Variants in CFAP210 observed in about 807,000 individuals in gnomAD.
CFAP210 encodes the protein cilia- and flagella- associated protein 210.
At chr2:169,671,335 C>A in the CFAP210 span, among the ~76,000 whole-genome samples, 2 of 152,226 alleles carry the variant, frequency 1.3e-5, no homozygotes, top group Non-Finnish European at 2.9e-5. Flanking sequence ...GAACCAGTTT[C>A]TTCTGCAAAG....
the CFAP210 span, chr2:169,645,568 C>A: frequency 3.3e-6 from 1 of 298,822 alleles, no homozygotes; most frequent in African/African-American, 2.2e-5. Flanking sequence ...AATTCTGGAA[C>A]TACACAATGG....
At chr2:169,649,060 G>T in the CFAP210 span, 1 of 760,446 alleles carries the variant, frequency 1.3e-6, no homozygotes, top group Non-Finnish European at 2.1e-6. Flanking sequence ...ATTTTATTGT[G>T]TCATAACCAT....
chr2:169,667,456 A>T, the CFAP210 span, among the ~76,000 whole-genome samples: 1 of 152,138 alleles, frequency 6.6e-6, no homozygotes, highest in Non-Finnish European at 1.5e-5. Flanking sequence ...TCTTAATGGC[A>T]ACTGGAATGG....
the CFAP210 span, chr2:169,662,169 G>A: frequency 1.4e-5 from 16 of 1,147,052 alleles, no homozygotes; most frequent in South Asian, 2.1e-4. Flanking sequence ...GTATGCATGG[G>A]TCAAAATACC....
At chr2:169,670,788 G>A in the CFAP210 span, among the ~76,000 whole-genome samples, 1 of 152,092 alleles carries the variant, frequency 6.6e-6, no homozygotes, top group Admixed American at 6.5e-5. Context: ...ATTGCCTTTA[G>A]TATCCTAAGC....
chr2:169,670,741 A>G, the CFAP210 span, among the ~76,000 whole-genome samples: 3 of 152,186 alleles, frequency 2.0e-5, no homozygotes, highest in Non-Finnish European at 2.9e-5. Context: ...AGGTTCCCCA[A>G]TGAGCAATCC....
At chr2:169,660,870 T>C in the CFAP210 span, 11 of 330,128 alleles carry the variant, frequency 3.3e-5, no homozygotes, top group Non-Finnish European at 6.5e-5. Flanking sequence ...CCCAAAGTGC[T>C]AGGATTATAG....
At chr2:169,694,290 C>T in the CFAP210 span, 1 of 1,614,076 alleles carries the variant, frequency 6.2e-7, no homozygotes, top group Admixed American at 1.7e-5. Context: ...TCCACAGCGC[C>T]GTCCAAACCG....
chr2:169,648,644 C>T, the CFAP210 span, among the ~76,000 whole-genome samples: 2 of 152,122 alleles, frequency 1.3e-5, no homozygotes, highest in African/African-American at 4.8e-5. Flanking sequence ...CATAAGATAT[C>T]ACTATACTAG....
chr2:169,648,415 T>C, the CFAP210 span, among the ~76,000 whole-genome samples: 3 of 151,082 alleles, frequency 2.0e-5, no homozygotes, highest in African/African-American at 7.4e-5. Context: ...GCCTCTGAAC[T>C]GTACACTTAA....
the CFAP210 span, among the ~76,000 whole-genome samples, chr2:169,651,225 T>TG: frequency 1.8e-5 from 1 of 55,220 alleles, no homozygotes; most frequent in Non-Finnish European, 3.7e-5. Context: ...AGACTCTGTC[T>TG]GAAAAAAAAA....
chr2:169,653,052 ATATATATATATATATG>A, the CFAP210 span, among the ~76,000 whole-genome samples: 1,087 of 107,124 alleles, frequency 0.01, 17 homozygotes, highest in Non-Finnish European at 0.015. Context: ...ATATATATAT[ATATATATATATATATG>A]TATGTGTGTA....
chr2:169,650,211 T>C, the CFAP210 span: 2 of 1,034,290 alleles, frequency 1.9e-6, no homozygotes, highest in Non-Finnish European at 2.6e-6. Context: ...AGATAATTCA[T>C]ACATTGTTTT....
the CFAP210 span, chr2:169,650,339 C>T: frequency 1.0e-5 from 16 of 1,587,212 alleles, no homozygotes; most frequent in East Asian, 1.8e-4. Flanking sequence ...CACAATGGCT[C>T]GATATTCTGC....
At chr2:169,683,462 C>T in the CFAP210 span, among the ~76,000 whole-genome samples, 1 of 152,174 alleles carries the variant, frequency 6.6e-6, no homozygotes, top group African/African-American at 2.4e-5. Flanking sequence ...CTTTTGTTAC[C>T]TGCAATCAGA....
At chr2:169,687,539 G>T in the CFAP210 span, among the ~76,000 whole-genome samples, 1 of 152,164 alleles carries the variant, frequency 6.6e-6, no homozygotes, top group Non-Finnish European at 1.5e-5. Context: ...GCTCCAAAAT[G>T]ATCTCCTTTG....
chr2:169,649,587 T>C, the CFAP210 span, among the ~76,000 whole-genome samples: 1 of 152,128 alleles, frequency 6.6e-6, no homozygotes, highest in Non-Finnish European at 1.5e-5. Flanking sequence ...TTGAAAAAGA[T>C]GAAAAGCAAG....
chr2:169,681,510 A>G, the CFAP210 span, among the ~76,000 whole-genome samples: 1 of 152,198 alleles, frequency 6.6e-6, no homozygotes, highest in East Asian at 1.9e-4. Context: ...CATCTTTAAA[A>G]TAGAGATCTC....
chr2:169,656,964 CA>C, the CFAP210 span, among the ~76,000 whole-genome samples: 8 of 40,330 alleles, frequency 2.0e-4, no homozygotes, highest in South Asian at 1.4e-3. Flanking sequence ...GACTCCATCT[CA>C]AAAAAAAAAA....
Sources: allele counts gnomAD v4.1 joint callset (sites outside exome capture counted in the v4.1 genomes callset), GRCh38; gene constraint gnomAD v4.1.1; transcripts MANE v1.5; gene names NCBI Gene and HGNC (gene_info 2026-07-23, HGNC 2026-07-21).